The following DZIP3 variants were observed in gnomAD, a reference collection of about 807,000 sequenced individuals.
The protein encoded by DZIP3 is DAZ interacting zinc finger protein 3, also known as E3 ubiquitin-protein ligase DZIP3.
Under a neutral mutation model 162.0 loss-of-function variants are expected in DZIP3, and 118 were observed. The observed-to-expected ratio is 0.73, with a 90% CI of 0.63 to 0.85. The LOEUF (loss-of-function observed/expected upper bound fraction) is 0.85. Ranked by LOEUF, DZIP3 falls within the 40% of genes least tolerant of loss-of-function variation. The pLI, the probability that DZIP3 is intolerant of heterozygous loss-of-function variation, is 0.00. For synonymous variants in DZIP3, 438 were observed against 458.6 expected, an observed-to-expected ratio of 0.96 and a Z score of 0.57; for missense variants, 1,331 against 1,407.0, an observed-to-expected ratio of 0.95 and a Z score of 0.86.
At chr3:108,674,024 G>A in intron 23 of DZIP3, 54 bp from the exon 24 acceptor site, 2 of 1,302,038 alleles carry the variant, frequency 1.5e-6, no homozygotes, top group Non-Finnish European at 1.1e-6. Flanking sequence ...AGAAGAGAAT[G>A]TTCCTTTACA....
At chr3:108,631,774 G>A (rs1941902276) in intron 8 of DZIP3, among the ~76,000 whole-genome samples, 1 of 150,794 alleles carries the variant, frequency 6.6e-6, no homozygotes, top group Non-Finnish European at 1.5e-5. Context: ...TTTTGTATTT[G>A]ACCTGTTTTA....
rs1403314751 is a variant in DZIP3, at chr3:108,589,752, T to A, written c.-160T>A. On this transcript the variant is annotated 5_prime_UTR_variant, in exon 1 of 33. Coordinates refer to ENST00000361582, the MANE Select transcript of DZIP3 (RefSeq NM_014648.4). ...GCTGTGCGCTCTGATTTCGTGCGCT[T>A]CCTCGTCCTTCATGTTGGATGGCCA... 3 of 166,778 alleles carry A rather than the reference T, an allele frequency of 1.8e-5. No individual in the cohort carries two copies. The highest frequency in any genetic ancestry group is 2.6e-5 in the Non-Finnish European group (2 of 76,402). 10.3% of individuals were successfully genotyped at this position (166,778 alleles called of 1,614,324 possible). A position where few individuals can be genotyped will look rare whatever the true frequency, so the allele number is the denominator to read the frequency against.
intron 8 of DZIP3, among the ~76,000 whole-genome samples, chr3:108,631,048 C>CAT (rs1559741223): frequency 8.6e-6 from 1 of 116,690 alleles, no homozygotes; most frequent in Non-Finnish European, 1.8e-5. Context: ...CACACACACA[C>CAT]ACACACACTC....
chr3:108,633,137 A>T, intron 9 of DZIP3, 65 bp downstream of exon 9: 1 of 725,834 alleles, frequency 1.4e-6, no homozygotes, highest in Non-Finnish European at 1.8e-6. Flanking sequence ...TAACTATATA[A>T]AATAATAAAA....
intron 24 of DZIP3, among the ~76,000 whole-genome samples, chr3:108,674,633 C>T (rs1017612943): frequency 1.3e-5 from 2 of 151,834 alleles, no homozygotes; most frequent in African/African-American, 4.8e-5. Context: ...TGATTTTAAA[C>T]ACCTACAGAA....
In DZIP3 at chr3:108,622,823, CCAAA is replaced by C. The variant is rs1357608168; in HGVS notation, c.376-1614_376-1611del. Among the ~76,000 whole-genome samples, 82 of 127,476 alleles carry C rather than the reference CCAAA, an allele frequency of 6.4e-4. 1 individual carries two copies. Among genetic ancestry groups the C allele is most frequent in the Admixed American group, 4.3e-4 (5 of 11,602 alleles). The allele number at this position is 127,476 out of a possible 152,430, so 83.6% of individuals were successfully genotyped here. A position where few individuals can be genotyped will look rare whatever the true frequency, so the allele number is the denominator to read the frequency against. ...ACTCTTGTTCTCTTCTTCCTTTACC[CCAAA>C]CAAACAGAGTCTCTCTCTCTCTCTC... On this transcript the variant is annotated intron_variant, in intron 5 of 32. Coordinates refer to ENST00000361582, the MANE Select transcript of DZIP3 (RefSeq NM_014648.4).
At chr3:108,601,210 A>G (rs1432106016) in intron 1 of DZIP3, among the ~76,000 whole-genome samples, 1 of 152,098 alleles carries the variant, frequency 6.6e-6, no homozygotes, top group African/African-American at 2.4e-5. Context: ...ATACTTGGCA[A>G]TATCTGGAGA....
At position 108,684,224 on chromosome 3, in the gene DZIP3, G is replaced by A; in HGVS notation, c.2892G>A (p.Gln964=). Residue 964 remains glutamine, a synonymous_variant, in exon 27 of 33, where the codon CAG becomes CAA. Transcript: ENST00000361582. ...PPPSPEILMQ[Q]FLGRPLVKES... ...TATATTTTCTATTTTAGATGCAGCA[G>A]TTCTTAGGAAGACCTCTTGTGAAAG... 1 of 1,610,300 alleles carries A rather than the reference G, an allele frequency of 6.2e-7. No individual in the cohort carries two copies.
intron 7 of DZIP3, 25 bp downstream of exon 7, chr3:108,625,994 A>G: frequency 1.2e-6 from 2 of 1,605,326 alleles, no homozygotes; most frequent in Non-Finnish European, 1.7e-6. Flanking sequence ...TAACGGGTAG[A>G]TGTTGCCTGT....
At chr3:108,659,942 G>T (rs1410723439) in intron 19 of DZIP3, among the ~76,000 whole-genome samples, 18 of 152,050 alleles carry the variant, frequency 1.2e-4, no homozygotes, top group Non-Finnish European at 1.9e-4. Flanking sequence ...GGATGTGAAG[G>T]ACCTCTTCAA....
Position 108,634,570 on chromosome 3 carries a change from C to G in DZIP3, c.817-301C>G, listed in dbSNP as rs148942829. Among the ~76,000 whole-genome samples the G allele has an allele frequency of 4.7e-3, 719 of 152,120 alleles. 3 individuals carry two copies. The highest frequency in any genetic ancestry group is 0.016 in the African/African-American group (656 of 41,502). ...AATGGAGATGAAGATGGGTAGGTAG[C>G]ATGTTCCTCTGTAGACACACTCACT... On this transcript the variant is annotated intron_variant, in intron 9 of 32. Transcript: ENST00000361582.
chr3:108,625,077 A>T (rs1437999326), intron 6 of DZIP3, among the ~76,000 whole-genome samples: 1 of 152,216 alleles, frequency 6.6e-6, no homozygotes, highest in African/African-American at 2.4e-5. Context: ...TATTTTAAAT[A>T]CTTTAATGTA....
chr3:108,644,348 T>A lies in DZIP3; in HGVS notation c.1326T>A (p.Asn442Lys). Residue 442 changes from asparagine (N) to lysine (K), a missense_variant, in exon 14 of 33, where the codon AAT becomes AAA. Coordinates refer to ENST00000361582, the MANE Select transcript of DZIP3 (RefSeq NM_014648.4). Reference sequence around the variant, plus strand: ...CCTACTACAACCATCTTTGGACCAATCATCCTTTGGGTGGATCATGGCATC... The same window carrying A: ...CCTACTACAACCATCTTTGGACCAAACATCCTTTGGGTGGATCATGGCATC... ...LESYYNHLWT[N>K]HPLGGSWHLL... 1 of 1,614,102 alleles carries A rather than the reference T, an allele frequency of 6.2e-7. No homozygotes were observed.
At chr3:108,688,515 C>G in intron 29 of DZIP3, 78 bp from the exon 30 acceptor site, 1 of 1,462,752 alleles carries the variant, frequency 6.8e-7, no homozygotes. Context: ...CTTACTATAC[C>G]CCGTTCTGTA....
At chr3:108,651,007 A>C in intron 17 of DZIP3, 130 bp from the exon 18 acceptor site, 1 of 278,464 alleles carries the variant, frequency 3.6e-6, no homozygotes, top group Non-Finnish European at 6.5e-6. Context: ...TGCATATGAC[A>C]TCATGATATA....
At chr3:108,657,001 C>T (rs1256231064) in intron 19 of DZIP3, among the ~76,000 whole-genome samples, 2 of 152,256 alleles carry the variant, frequency 1.3e-5, no homozygotes, top group South Asian at 2.1e-4. Context: ...ACCAAATCTA[C>T]GTCTGATTGG....
chr3:108,669,839 A>G (rs1421139160), intron 22 of DZIP3, 90 bp downstream of exon 22: 1 of 1,068,028 alleles, frequency 9.4e-7, no homozygotes, highest in Non-Finnish European at 1.4e-6. Flanking sequence ...GTAATTTATC[A>G]TTCAAACCGG....
chr3:108,627,362 C>T (rs889168046), intron 7 of DZIP3, among the ~76,000 whole-genome samples: 3 of 152,154 alleles, frequency 2.0e-5, no homozygotes, highest in Admixed American at 2.0e-4. Flanking sequence ...CACTGAGCTC[C>T]TCAAAGACAC....
intron 7 of DZIP3, 117 bp downstream of exon 7, chr3:108,626,086 T>C: frequency 8.4e-7 from 1 of 1,191,788 alleles, no homozygotes; most frequent in Non-Finnish European, 1.1e-6. Context: ...GTTTTATCCT[T>C]TTCTTCTTTG....
Sources: allele counts gnomAD v4.1 joint callset (sites outside exome capture counted in the v4.1 genomes callset), GRCh38; gene constraint gnomAD v4.1.1; transcripts MANE v1.5; gene names NCBI Gene and HGNC (gene_info 2026-07-23, HGNC 2026-07-21).